CCDC81: variants seen among roughly 807,000 people sequenced by gnomAD.
CCDC81 encodes the protein coiled-coil domain containing 81, also known as coiled-coil domain-containing protein 81.
A neutral mutation model predicts 83.7 loss-of-function variants in CCDC81; 79 were observed. That is an observed-to-expected ratio of 0.94 (90% CI 0.79 to 1.14). The LOEUF is 1.14. Ranked by LOEUF, CCDC81 falls within the 50% of genes most tolerant of loss-of-function variation. The pLI is 0.00. For missense variants in CCDC81, 791 were observed against 778.1 expected (o/e 1.02, Z -0.20); for synonymous variants, 252 against 278.1 (o/e 0.91, Z 0.93).
In CCDC81 at chr11:86,420,063, G is replaced by A. The variant is rs761420468; in HGVS notation, c.1817+10G>A. 2 of 1,606,934 alleles carry A rather than the reference G, an allele frequency of 1.2e-6. No individual in the cohort carries two copies. Among genetic ancestry groups the A allele is most frequent in the East Asian group, 4.5e-5 (2 of 44,724 alleles). On this transcript the variant is annotated intron_variant, in intron 14 of 14. Coordinates refer to ENST00000445632, the MANE Select transcript of CCDC81 (RefSeq NM_001156474.2). ...ACAAGGCTTTTGAACGGTAATGCCT[G>A]ATTGGAACCCCAAAATTCTCCTGCT...
rs1171982662 is a variant in CCDC81, at chr11:86,400,701, C to A, written c.781C>A (p.Arg261=). 1.9e-6 allele frequency: 3 copies of A among 1,611,350 alleles called. No individual in the cohort carries two copies. Among genetic ancestry groups the A allele is most frequent in the South Asian group, 1.1e-5 (1 of 90,838 alleles). The part of the protein sequence containing the change: ...TRDISSPKRL[R]DRQALFPAKV... ...AGATATCTCATCACCCAAAAGACTT[C>A]GAGATAGACAAGCTTTGTTCCCTGC... The change falls in exon 7 of 15, where the codon CGA becomes AGA. Residue 261 remains arginine, a synonymous_variant. Coordinates refer to ENST00000445632, the MANE Select transcript of CCDC81 (RefSeq NM_001156474.2).
intron 9 of CCDC81, 85 bp downstream of exon 9, chr11:86,408,355 C>A: frequency 1.6e-6 from 2 of 1,258,600 alleles, no homozygotes; most frequent in African/African-American, 1.5e-5. Context: ...TTTATTGGCG[C>A]AGGGTCTCAC....
chr11:86,402,587 C>A (rs1948508190), intron 7 of CCDC81, among the ~76,000 whole-genome samples: 1 of 152,134 alleles, frequency 6.6e-6, no homozygotes, highest in Non-Finnish European at 1.5e-5. Context: ...TAATTCCTTG[C>A]ATACAACTGG....
chr11:86,384,930 T>C (rs1948221397), intron 1 of CCDC81, among the ~76,000 whole-genome samples: 1 of 152,352 alleles, frequency 6.6e-6, no homozygotes, highest in Middle Eastern at 3.4e-3. Context: ...ACTTTCATTA[T>C]TGGCAACTAC....
intron 1 of CCDC81, among the ~76,000 whole-genome samples, chr11:86,380,201 A>G (rs1028693772): frequency 6.6e-6 from 1 of 152,128 alleles, no homozygotes; most frequent in South Asian, 2.1e-4. Context: ...TTGCTTTTGA[A>G]AAATAATTTT....
At chr11:86,387,378 C>T in intron 2 of CCDC81, 138 bp from the exon 3 acceptor site, 2 of 691,232 alleles carry the variant, frequency 2.9e-6, no homozygotes, top group Non-Finnish European at 4.8e-6. Context: ...AATGCTATAG[C>T]TCTGAAGAGT....
chr11:86,412,975 C>T (rs1382926568), intron 11 of CCDC81, among the ~76,000 whole-genome samples: 1 of 152,174 alleles, frequency 6.6e-6, no homozygotes, highest in Admixed American at 6.5e-5. Context: ...GGAGAGAGGG[C>T]TTTCTGTATC....
chr11:86,389,238 A>G (rs1256910174), intron 3 of CCDC81, among the ~76,000 whole-genome samples: 1 of 142,470 alleles, frequency 7.0e-6, no homozygotes, highest in Non-Finnish European at 1.5e-5. Flanking sequence ...AAGGCTGCAA[A>G]ATAATAATAA....
rs1212580383 is a variant in CCDC81, at chr11:86,386,581, A to C, written c.141+469A>C. 1.3e-5 allele frequency among the ~76,000 whole-genome samples: 2 copies of C among 152,218 alleles called. 1 individual carries two copies. Among genetic ancestry groups the C allele is most frequent in the Non-Finnish European group, 2.9e-5 (2 of 68,044 alleles). On this transcript the variant is annotated intron_variant, in intron 2 of 14. Coordinates refer to ENST00000445632, the MANE Select transcript of CCDC81 (RefSeq NM_001156474.2). ...CCCTCCTGTTAAGTCTTGGGTTTAG[A>C]TGCCATAGAACTGGACAGAGATTTG...
intron 13 of CCDC81, among the ~76,000 whole-genome samples, chr11:86,418,858 TTA>T (rs1948753837): frequency 6.6e-6 from 1 of 152,122 alleles, no homozygotes; most frequent in Non-Finnish European, 1.5e-5. Flanking sequence ...GTAAATTTTG[TTA>T]TGTGTTTTTT....
At position 86,408,027 on chromosome 11, in the gene CCDC81, G is replaced by A. The variant is rs1948585607; in HGVS notation, c.970-100G>A. 2.5e-6 allele frequency: 3 copies of A among 1,178,948 alleles called. No homozygotes were observed. The South Asian group carries it at 4.8e-5, about 19-fold the overall frequency. The allele number at this position is 1,178,948 out of a possible 1,614,324, so 73.0% of individuals were successfully genotyped here. On this transcript the variant is annotated intron_variant, in intron 8 of 14. Transcript: ENST00000445632. ...TCACTAATATATCCATTAATAATAGGTTTCTTGATATACCTAGCCTTTGGA... is the reference window on the plus strand; with the variant it reads ...TCACTAATATATCCATTAATAATAGATTTCTTGATATACCTAGCCTTTGGA...
chr11:86,377,747 C>T (rs1025449140), intron 1 of CCDC81, among the ~76,000 whole-genome samples: 8 of 152,012 alleles, frequency 5.3e-5, no homozygotes, highest in Non-Finnish European at 1.0e-4. Flanking sequence ...CATTGTTTTT[C>T]ACAGAGCAGA....
chr11:86,385,220 TC>T (rs138052197), intron 1 of CCDC81, among the ~76,000 whole-genome samples: 2,696 of 152,258 alleles, frequency 0.018, 148 homozygotes, highest in East Asian at 0.14. Flanking sequence ...AAACCCTGTC[TC>T]TACTAAAAGT....
intron 10 of CCDC81, 121 bp from the exon 11 acceptor site, chr11:86,412,266 G>A: frequency 1.3e-6 from 1 of 782,650 alleles, no homozygotes; most frequent in Non-Finnish European, 2.0e-6. Flanking sequence ...TGGTCCGTGT[G>A]TTGAGGGCTG....
At chr11:86,411,304 A>G (rs1262133115) in intron 10 of CCDC81, among the ~76,000 whole-genome samples, 2 of 152,006 alleles carry the variant, frequency 1.3e-5, no homozygotes, top group Non-Finnish European at 2.9e-5. Context: ...TTCCTTCTGT[A>G]TGGAACACGG....
rs190608224 is a variant in CCDC81 at position 86,405,164 on chromosome 11, C to A, written c.882-2450C>A. 3.2e-3 allele frequency among the ~76,000 whole-genome samples: 489 copies of A among 152,194 alleles called. 1 individual carries two copies. The highest frequency in any genetic ancestry group is 6.8e-3 in the Middle Eastern group (2 of 292). On this transcript the variant is annotated intron_variant, in intron 7 of 14. Transcript: ENST00000445632. ...ATGATGGTATATTTTTCAGTAATTA[C>A]ATCAATTTTTGCTTCTTAAGCAATA...
intron 3 of CCDC81, among the ~76,000 whole-genome samples, chr11:86,388,015 T>C (rs144788897): frequency 1.3e-3 from 199 of 152,356 alleles, no homozygotes; most frequent in Middle Eastern, 3.4e-3. Context: ...TTAGGATCTC[T>C]GGTTGGGAGA....
chr11:86,415,434 A>G (rs1364775219), intron 13 of CCDC81, 121 bp downstream of exon 13: 1 of 734,650 alleles, frequency 1.4e-6, no homozygotes, highest in Non-Finnish European at 2.3e-6. Flanking sequence ...AGAAATAAGA[A>G]TAATAGCTAA....
At chr11:86,387,835 A>G (rs1271979937) in intron 3 of CCDC81, among the ~76,000 whole-genome samples, 163 bp downstream of exon 3, 1 of 152,228 alleles carries the variant, frequency 6.6e-6, no homozygotes, top group Non-Finnish European at 1.5e-5. Flanking sequence ...GTGGAAAAAT[A>G]ATAGAGTCTT....
Sources: allele counts gnomAD v4.1 joint callset (sites outside exome capture counted in the v4.1 genomes callset), GRCh38; gene constraint gnomAD v4.1.1; transcripts MANE v1.5; gene names NCBI Gene and HGNC (gene_info 2026-07-23, HGNC 2026-07-21).